Variants in ADGRL2 observed in about 807,000 individuals in gnomAD.
ADGRL2 encodes the protein adhesion G protein-coupled receptor L2, also known as calcium-independent alpha-latrotoxin receptor 2.
A neutral mutation model predicts 157.4 loss-of-function variants in ADGRL2; 44 were observed. The ratio of observed to expected loss-of-function variants is 0.28; its 90% CI spans 0.22 to 0.36. The LOEUF is 0.36. Among genes scored for constraint, ADGRL2 ranks in the 10% least tolerant of loss-of-function variants. The pLI, the probability that ADGRL2 is intolerant of heterozygous loss-of-function variation, is 1.00. For synonymous variants in ADGRL2, 585 were observed against 624.7 expected, an observed-to-expected ratio of 0.94 and a Z score of 0.95; for missense variants, 1,510 against 1,768.9, an observed-to-expected ratio of 0.85 and a Z score of 2.63.
Position 81,966,027 on chromosome 1 carries a change from C to A in ADGRL2, c.2018-31C>A, listed in dbSNP as rs1365433739. On this transcript the variant is annotated intron_variant, in intron 11 of 23. Transcript: ENST00000686636. ...GTTAACTCTTAAAGAATCCTTTTTT[C>A]CCCACCTCCTTTATCTTTTCCCTCA... The A allele has an allele frequency of 5.6e-6, 9 of 1,602,756 alleles. No homozygotes were observed. In the East Asian group the frequency reaches 8.9e-5, roughly 16 times the overall value.
At chr1:81,603,965 CTTT>C (rs35950804) in intron 3 of ADGRL2, among the ~76,000 whole-genome samples, 18 of 131,896 alleles carry the variant, frequency 1.4e-4, no homozygotes, top group Non-Finnish European at 1.8e-4. Context: ...ATATCTTTTT[CTTT>C]TTTTTTTTTT....
chr1:81,711,658 T>A (rs547647091), intron 1 of ADGRL2, among the ~76,000 whole-genome samples: 1 of 152,318 alleles, frequency 6.6e-6, no homozygotes, highest in East Asian at 1.9e-4. Context: ...CTACATATGG[T>A]TTGGTGCCAC....
intron 1 of ADGRL2, among the ~76,000 whole-genome samples, chr1:81,734,113 C>T (rs571712645): frequency 2.1e-3 from 321 of 151,644 alleles, no homozygotes; most frequent in Admixed American, 4.6e-3. Context: ...CCTGTCTCTA[C>T]TAAAAATACA....
At chr1:81,325,292 T>C (rs1454238227) in intron 1 of ADGRL2, among the ~76,000 whole-genome samples, 2 of 152,206 alleles carry the variant, frequency 1.3e-5, no homozygotes, top group African/African-American at 2.4e-5. Context: ...CCCCTCACAG[T>C]ACCTCTTCTG....
At chr1:81,875,156 T>C (rs2093805279) in intron 2 of ADGRL2, among the ~76,000 whole-genome samples, 1 of 152,128 alleles carries the variant, frequency 6.6e-6, no homozygotes, top group African/African-American at 2.4e-5. Flanking sequence ...TGTGGAATAA[T>C]GGGAGGCAGC....
chr1:81,424,242 C>A (rs1008879155), intron 1 of ADGRL2, among the ~76,000 whole-genome samples: 1 of 152,124 alleles, frequency 6.6e-6, no homozygotes, highest in South Asian at 2.1e-4. Context: ...AGTGTTTTCC[C>A]GACAGCTGTA....
chr1:81,787,853 T>C (rs1222186367), intron 2 of ADGRL2, among the ~76,000 whole-genome samples: 2 of 152,148 alleles, frequency 1.3e-5, no homozygotes, highest in East Asian at 1.9e-4. Flanking sequence ...ATACAACCCT[T>C]TGAACAAAGT....
At chr1:81,643,112 A>G (rs2082251934) in intron 3 of ADGRL2, among the ~76,000 whole-genome samples, 1 of 152,226 alleles carries the variant, frequency 6.6e-6, no homozygotes, top group Non-Finnish European at 1.5e-5. Context: ...AATAAAAAGT[A>G]TACAGATTGG....
chr1:81,797,412 A>G (rs1417477850), upstream of ADGRL2, among the ~76,000 whole-genome samples: 1 of 152,160 alleles, frequency 6.6e-6, no homozygotes, highest in African/African-American at 2.4e-5. Flanking sequence ...GTTTTCTATA[A>G]CTGTGTTGCT....
At chr1:81,766,143 G>A (rs2086108596) in intron 2 of ADGRL2, among the ~76,000 whole-genome samples, 1 of 152,108 alleles carries the variant, frequency 6.6e-6, no homozygotes, top group Admixed American at 6.5e-5. Flanking sequence ...TTTTTTACAA[G>A]AGGGAGTTCA....
intron 1 of ADGRL2, among the ~76,000 whole-genome samples, chr1:81,809,370 C>A (rs12564024): frequency 0.14 from 20,965 of 151,790 alleles, 1,648 homozygotes; most frequent in East Asian, 0.18. Flanking sequence ...AGTCTTAATT[C>A]TGTTTTAAAA....
At chr1:81,387,666 G>T (rs553854363) in intron 1 of ADGRL2, among the ~76,000 whole-genome samples, 1 of 152,192 alleles carries the variant, frequency 6.6e-6, no homozygotes, top group South Asian at 2.1e-4. Flanking sequence ...TCAACCAATT[G>T]TTAGATGATA....
chr1:81,970,517 C>T lies in ADGRL2; in HGVS notation c.2937C>T (p.Ser979=). 1 of 1,603,430 alleles carries T rather than the reference C, an allele frequency of 6.2e-7. No individual in the cohort carries two copies. Among genetic ancestry groups the T allele is most frequent in the Non-Finnish European group, 8.5e-7 (1 of 1,176,756 alleles). The part of the protein sequence containing the change: ...VGVSAAIDYK[S]YGTEKACWLH... Reference sequence around the variant, plus strand: ...TTTCAGCTGCTATTGACTATAAGAGCTATGGAACAGAAAAAGCGTAAGTAA... The same window carrying T: ...TTTCAGCTGCTATTGACTATAAGAGTTATGGAACAGAAAAAGCGTAAGTAA... The change falls in exon 16 of 24, where the codon AGC becomes AGT. Residue 979 remains serine (S), a synonymous_variant. Transcript: ENST00000686636.
At chr1:81,351,874 C>T (rs1206013417) in intron 1 of ADGRL2, among the ~76,000 whole-genome samples, 6 of 152,198 alleles carry the variant, frequency 3.9e-5, no homozygotes, top group African/African-American at 9.6e-5. Flanking sequence ...AGATTAAGAG[C>T]GGCTCCCTTG....
intron 2 of ADGRL2, among the ~76,000 whole-genome samples, chr1:81,898,369 T>G (rs2094430986): frequency 6.6e-6 from 1 of 152,222 alleles, no homozygotes; most frequent in Admixed American, 6.5e-5. Flanking sequence ...TTTTCTGAAT[T>G]ATTTGCATAA....
intron 11 of ADGRL2, among the ~76,000 whole-genome samples, chr1:81,959,486 G>T (rs1654636706): frequency 6.6e-6 from 1 of 152,088 alleles, no homozygotes; most frequent in Admixed American, 6.6e-5. Flanking sequence ...AAGAGCAGAA[G>T]TTTTTAATTT....
chr1:81,629,213 A>C (rs2081965492), intron 3 of ADGRL2, among the ~76,000 whole-genome samples: 1 of 152,194 alleles, frequency 6.6e-6, no homozygotes, highest in Non-Finnish European at 1.5e-5. Flanking sequence ...ATAGTAATAA[A>C]AATAAAGGTT....
chr1:81,421,654 T>A (rs1020707784), intron 1 of ADGRL2, among the ~76,000 whole-genome samples: 1 of 152,134 alleles, frequency 6.6e-6, no homozygotes, highest in African/African-American at 2.4e-5. Flanking sequence ...GCCACTATCA[T>A]GGCAAGATAC....
chr1:81,797,000 C>T (rs1001834989), upstream of ADGRL2, among the ~76,000 whole-genome samples: 3 of 152,158 alleles, frequency 2.0e-5, no homozygotes, highest in Non-Finnish European at 2.9e-5. Flanking sequence ...TTTCAGCCTA[C>T]ATGCATGGCA....
Sources: allele counts gnomAD v4.1 joint callset (sites outside exome capture counted in the v4.1 genomes callset), GRCh38; gene constraint gnomAD v4.1.1; transcripts MANE v1.5; gene names NCBI Gene and HGNC (gene_info 2026-07-23, HGNC 2026-07-21).